Variants in SLC4A4 observed in about 807,000 individuals in gnomAD.
SLC4A4 encodes the protein electrogenic sodium bicarbonate cotransporter 1.
A neutral mutation model predicts 111.5 loss-of-function variants in SLC4A4; 27 were observed. The ratio of observed to expected loss-of-function variants is 0.24; its 90% CI spans 0.18 to 0.33. SLC4A4 has a LOEUF of 0.33. SLC4A4 is among the 10% of genes least tolerant of loss of function. SLC4A4 has a pLI of 1.00. For synonymous variants in SLC4A4, 443 were observed against 463.4 expected (o/e 0.96, Z 0.57); for missense variants, 909 against 1,315.5 (o/e 0.69, Z 4.78).
chr4:71,090,310 T>A (rs557698003), intron 1 of SLC4A4, among the ~76,000 whole-genome samples: 2 of 152,204 alleles, frequency 1.3e-5, no homozygotes, highest in Admixed American at 6.5e-5. Flanking sequence ...TTTCTTTGAC[T>A]AGGAAAGGGA....
intron 1 of SLC4A4, among the ~76,000 whole-genome samples, chr4:71,195,437 T>C (rs1745951994): frequency 6.6e-6 from 1 of 152,144 alleles, no homozygotes; most frequent in African/African-American, 2.4e-5. Context: ...GTGGCCAATT[T>C]AGGGTGATTT....
chr4:71,227,442 A>C (rs935582551), intron 1 of SLC4A4, among the ~76,000 whole-genome samples: 1 of 152,202 alleles, frequency 6.6e-6, no homozygotes, highest in African/African-American at 2.4e-5. Context: ...GGGAGCCCAG[A>C]GAGAAACCAC....
intron 15 of SLC4A4, among the ~76,000 whole-genome samples, chr4:71,489,026 A>G (rs1729668168): frequency 7.5e-6 from 1 of 133,644 alleles, no homozygotes; most frequent in African/African-American, 2.7e-5. Flanking sequence ...CATACAATAT[A>G]GGTAAATGAC....
intron 3 of SLC4A4, among the ~76,000 whole-genome samples, chr4:71,321,576 C>T (rs1183914976): frequency 6.6e-6 from 1 of 152,024 alleles, no homozygotes; most frequent in East Asian, 1.9e-4. Context: ...GGCTCACCCC[C>T]AGTTCTGGAG....
chr4:71,349,889 C>A, intron 4 of SLC4A4, 23 bp from the exon 5 acceptor site: 1 of 1,613,464 alleles, frequency 6.2e-7, no homozygotes, highest in Non-Finnish European at 8.5e-7. Context: ...TTTAATTGCT[C>A]TTCACTAATC....
chr4:71,443,135 T>C (rs1466541396), intron 8 of SLC4A4, among the ~76,000 whole-genome samples: 1 of 136,502 alleles, frequency 7.3e-6, no homozygotes, highest in Admixed American at 7.3e-5. Flanking sequence ...TATATATATA[T>C]ATATATATAT....
chr4:71,077,600 A>G (rs1440073287), intron 1 of SLC4A4, among the ~76,000 whole-genome samples: 1 of 152,150 alleles, frequency 6.6e-6, no homozygotes, highest in African/African-American at 2.4e-5. Context: ...TACTTGCTAT[A>G]CCCATTTTGC....
intron 2 of SLC4A4, among the ~76,000 whole-genome samples, chr4:71,177,018 A>G (rs1203614813): frequency 1.3e-5 from 2 of 152,238 alleles, no homozygotes. Flanking sequence ...AGTGGGGGCC[A>G]ATATTCAACA....
At chr4:71,412,264 C>T (rs1317603221) in intron 7 of SLC4A4, among the ~76,000 whole-genome samples, 2 of 152,098 alleles carry the variant, frequency 1.3e-5, no homozygotes, top group Admixed American at 1.3e-4. Context: ...CAAAGGTGTC[C>T]ATTATTCAGA....
At chr4:71,388,086 G>A (rs1037328096) in intron 6 of SLC4A4, among the ~76,000 whole-genome samples, 2 of 152,182 alleles carry the variant, frequency 1.3e-5, no homozygotes, top group Non-Finnish European at 2.9e-5. Context: ...TTACACCGTT[G>A]ATAGGTTTTC....
At chr4:71,350,161 A>C in intron 5 of SLC4A4, 89 bp downstream of exon 5, 1 of 1,290,556 alleles carries the variant, frequency 7.7e-7, no homozygotes, top group Non-Finnish European at 1.1e-6. Context: ...TACTGTAAGC[A>C]GAGTTAAATG....
chr4:71,418,253 C>T (rs892560876), intron 7 of SLC4A4, among the ~76,000 whole-genome samples: 5 of 152,194 alleles, frequency 3.3e-5, no homozygotes, highest in East Asian at 3.9e-4. Context: ...TTGCATTAAT[C>T]GTGGTGAGAT....
At chr4:71,500,878 G>A (rs934370668) in intron 16 of SLC4A4, among the ~76,000 whole-genome samples, 11 of 152,132 alleles carry the variant, frequency 7.2e-5, no homozygotes, top group African/African-American at 2.7e-4. Flanking sequence ...TAGTTTTGTA[G>A]TAGATTAGTG....
At chr4:71,361,409 G>A (rs1730775962) in intron 6 of SLC4A4, among the ~76,000 whole-genome samples, 1 of 152,206 alleles carries the variant, frequency 6.6e-6, no homozygotes, top group African/African-American at 2.4e-5. Flanking sequence ...TCAGGGAACA[G>A]TGAGGCAAGC....
chr4:71,085,819 G>A (rs1742150629), intron 1 of SLC4A4, among the ~76,000 whole-genome samples: 1 of 151,964 alleles, frequency 6.6e-6, no homozygotes, highest in Non-Finnish European at 1.5e-5. Flanking sequence ...TTGTAGTATA[G>A]TTCAAAGTCA....
At chr4:71,442,409 G>A (rs535082365) in intron 8 of SLC4A4, among the ~76,000 whole-genome samples, 2 of 152,242 alleles carry the variant, frequency 1.3e-5, no homozygotes, top group Admixed American at 6.5e-5. Context: ...TAATCTGAAC[G>A]ATATATCCTT....
At chr4:71,260,295 C>T (rs1007816914) in intron 3 of SLC4A4, among the ~76,000 whole-genome samples, 2 of 152,178 alleles carry the variant, frequency 1.3e-5, no homozygotes, top group African/African-American at 2.4e-5. Context: ...CCCCTCCCAA[C>T]CTGACCTCAT....
chr4:71,138,826 G>A (rs1313263869), intron 2 of SLC4A4, among the ~76,000 whole-genome samples: 2 of 152,016 alleles, frequency 1.3e-5, no homozygotes, highest in African/African-American at 2.4e-5. Context: ...CACGAGGTCA[G>A]GAGATTGAGA....
At chr4:71,517,198 CTCTT>C (rs1470688955) in intron 16 of SLC4A4, among the ~76,000 whole-genome samples, 1 of 152,028 alleles carries the variant, frequency 6.6e-6, no homozygotes, top group Non-Finnish European at 1.5e-5. Context: ...CTTTGTCTCT[CTCTT>C]TTTCTTCTTG....
Sources: allele counts gnomAD v4.1 joint callset (sites outside exome capture counted in the v4.1 genomes callset), GRCh38; gene constraint gnomAD v4.1.1; transcripts MANE v1.5; gene names NCBI Gene and HGNC (gene_info 2026-07-23, HGNC 2026-07-21).